Variants in ZC3H3 observed in about 807,000 individuals in gnomAD.
The protein encoded by ZC3H3 is zinc finger CCCH domain-containing protein 3.
ZC3H3 carries 36 observed loss-of-function variants against 77.3 expected under a neutral mutation model. The observed-to-expected ratio is 0.47, with a 90% CI of 0.36 to 0.61. The LOEUF is 0.61. ZC3H3 is among the 20% of genes least tolerant of loss of function. The pLI, the probability that ZC3H3 is intolerant of heterozygous loss-of-function variation, is 0.00. For missense variants in ZC3H3, 1,331 were observed against 1,312.2 expected, an observed-to-expected ratio of 1.01 and a Z score of -0.22; for synonymous variants, 626 against 555.2, an observed-to-expected ratio of 1.13 and a Z score of -1.79.
At chr8:143,480,680 G>C (rs1381672037) in intron 4 of ZC3H3, among the ~76,000 whole-genome samples, 1 of 152,216 alleles carries the variant, frequency 6.6e-6, no homozygotes, top group Non-Finnish European at 1.5e-5. Flanking sequence ...CGGCTCCTCG[G>C]GTGAGTCCAG....
intron 9 of ZC3H3, among the ~76,000 whole-genome samples, chr8:143,451,701 T>C (rs575741126): frequency 3.3e-5 from 5 of 151,150 alleles, no homozygotes; most frequent in Non-Finnish European, 7.4e-5. Flanking sequence ...GGAGAATTGC[T>C]TGAACCCAGG....
chr8:143,483,921 T>C (rs1238487948), intron 4 of ZC3H3, among the ~76,000 whole-genome samples: 1 of 152,188 alleles, frequency 6.6e-6, no homozygotes, highest in Non-Finnish European at 1.5e-5. Context: ...CCACAGCATC[T>C]ACCTCCCAGT....
intron 9 of ZC3H3, among the ~76,000 whole-genome samples, chr8:143,455,237 C>T (rs898927537): frequency 2.0e-5 from 3 of 152,114 alleles, no homozygotes; most frequent in Non-Finnish European, 4.4e-5. Flanking sequence ...TCACTTGAAC[C>T]CAGGAGATGG....
In ZC3H3 at chr8:143,441,203, C is replaced by G. The variant is rs1370736343; in HGVS notation, c.2308-83G>C. On this transcript the variant is annotated intron_variant, in intron 9 of 11. Coordinates refer to ENST00000262577, the MANE Select transcript of ZC3H3 (RefSeq NM_015117.3). The stretch of plus-strand genomic sequence containing the variant: ...GGAAGGCAAGGAGAGCCAGGCCAGG[C>G]CCCCCGAGTACCCACGGGGCCCCAT... The G allele has an allele frequency of 6.8e-6, 9 of 1,320,504 alleles. No homozygotes were observed. In the African/African-American group the frequency reaches 1.1e-4, roughly 16 times the overall value. 81.8% of individuals were successfully genotyped at this position (1,320,504 alleles called of 1,614,324 possible).
rs940100019 is a variant in ZC3H3 at position 143,462,945 on chromosome 8, C to A, written c.2307+2772G>T. ...CAGGGCGCCCTGCAGGAGCAGCTGT[C>A]CCACCTAGAGCCACCAGGAGCAGCG... On this transcript the variant is annotated intron_variant, in intron 9 of 11. Coordinates refer to ENST00000262577, the MANE Select transcript of ZC3H3 (RefSeq NM_015117.3). This position sits in a 1 kb window ranked among gnomAD's most constrained non-coding sequence, Gnocchi z 4.7. Among the ~76,000 whole-genome samples, 2 of 151,914 alleles carry A rather than the reference C, an allele frequency of 1.3e-5. No individual in the cohort carries two copies. The highest frequency in any genetic ancestry group is 4.8e-5 in the African/African-American group (2 of 41,350).
chr8:143,474,606 C>A (rs973799458), intron 5 of ZC3H3, among the ~76,000 whole-genome samples: 2 of 152,222 alleles, frequency 1.3e-5, no homozygotes, highest in Non-Finnish European at 2.9e-5. Flanking sequence ...CAGACCCTGC[C>A]GTCGGAGTCT....
intron 3 of ZC3H3, among the ~76,000 whole-genome samples, chr8:143,519,726 T>G (rs7842979): frequency 0.72 from 110,114 of 152,142 alleles, 39,987 homozygotes; most frequent in South Asian, 0.8. Flanking sequence ...AGGCCCCACG[T>G]TCAGGCCACC....
At chr8:143,477,114 G>A (rs568348010) in intron 4 of ZC3H3, among the ~76,000 whole-genome samples, 3 of 152,304 alleles carry the variant, frequency 2.0e-5, no homozygotes, top group African/African-American at 7.2e-5. Context: ...CAACCCCTCC[G>A]GGCCTTGGTC....
At chr8:143,492,711 C>T (rs1192352945) in intron 4 of ZC3H3, among the ~76,000 whole-genome samples, 7 of 150,792 alleles carry the variant, frequency 4.6e-5, no homozygotes, top group Non-Finnish European at 7.4e-5. Flanking sequence ...CTCAGGGTCC[C>T]GTGTCCTGGC....
chr8:143,538,062 C>A lies in ZC3H3; in HGVS notation c.1305G>T (p.Pro435=). 1 of 1,612,598 alleles carries A rather than the reference C, an allele frequency of 6.2e-7. No homozygotes were observed. Among genetic ancestry groups the A allele is most frequent in the Non-Finnish European group, 8.5e-7 (1 of 1,179,822 alleles). The stretch of plus-strand genomic sequence containing the variant: ...GGCTCTTCACTTTGTAAGCCGAGAG[C>A]GGGGTCTCCCCAGAGAGGGGCTTCA... ...SGLKPLSGET[P]LSAYKVKSRT... Residue 435 remains proline, a synonymous_variant, in exon 2 of 12, where the codon CCG becomes CCT. Transcript: ENST00000262577.
chr8:143,519,042 A>G (rs1254428632), intron 3 of ZC3H3, among the ~76,000 whole-genome samples: 1 of 152,212 alleles, frequency 6.6e-6, no homozygotes, highest in Non-Finnish European at 1.5e-5. Flanking sequence ...GAGGGACCCT[A>G]TGGGGGCTAA....
Position 143,440,216 on chromosome 8 carries a change from TGAGGA to T in ZC3H3, c.2635_2639del (p.Ser879IlefsTer51), listed in dbSNP as rs1563829853. The T allele has an allele frequency of 1.1e-5, 17 of 1,565,608 alleles. No individual in the cohort carries two copies. The highest frequency in any genetic ancestry group is 3.6e-4 in the Middle Eastern group (2 of 5,560). On this transcript the variant is annotated frameshift_variant, in exon 11 of 12. Coordinates refer to ENST00000262577, the MANE Select transcript of ZC3H3 (RefSeq NM_015117.3). LOFTEE classifies it high-confidence loss of function. ...CGTGGTCCAAGGAAGCGGGAGGGGA[TGAGGA>T]GGAGGAGGAGGAGGAGGAAGCCTTC...
Position 143,462,722 on chromosome 8 carries a change from C to G in ZC3H3, c.2307+2995G>C, listed in dbSNP as rs958513049. On this transcript the variant is annotated intron_variant, in intron 9 of 11. Transcript: ENST00000262577. The surrounding 1 kb of genome is among the most constrained non-coding windows in gnomAD (Gnocchi z 4.7). The stretch of plus-strand genomic sequence containing the variant: ...GCAGCGCGGAGGCTCACGGAGCAGG[C>G]ACTGCAGATGCAGGAGGGCCAAGGT... Among the ~76,000 whole-genome samples, 2 of 152,210 alleles carry G rather than the reference C, an allele frequency of 1.3e-5. No individual in the cohort carries two copies. Among genetic ancestry groups the G allele is most frequent in the Non-Finnish European group, 1.5e-5 (1 of 68,020 alleles).
At chr8:143,477,379 C>G (rs1426196760) in intron 4 of ZC3H3, among the ~76,000 whole-genome samples, 1 of 152,194 alleles carries the variant, frequency 6.6e-6, no homozygotes, top group African/African-American at 2.4e-5. Context: ...CCCACCTATC[C>G]TGTCTGCGCC....
chr8:143,508,700 G>C (rs949313176), intron 3 of ZC3H3, among the ~76,000 whole-genome samples: 1 of 152,076 alleles, frequency 6.6e-6, no homozygotes, highest in Non-Finnish European at 1.5e-5. Flanking sequence ...CCAAGGCTCA[G>C]GGGCTGCTGC....
chr8:143,474,992 G>A (rs191939582), intron 5 of ZC3H3, among the ~76,000 whole-genome samples: 98 of 152,316 alleles, frequency 6.4e-4, no homozygotes, highest in African/African-American at 2.3e-3. Context: ...GCGAAACATG[G>A]TGCTTGTGAG....
At chr8:143,477,806 G>C (rs1007003078) in intron 4 of ZC3H3, among the ~76,000 whole-genome samples, 1 of 152,166 alleles carries the variant, frequency 6.6e-6, no homozygotes, top group African/African-American at 2.4e-5. Flanking sequence ...ACCATTGGGA[G>C]GGTGAGGGGG....
At position 143,538,799 on chromosome 8, in the gene ZC3H3, G is replaced by A. The variant is rs564831818; in HGVS notation, c.568C>T (p.Leu190=). 7.1e-5 allele frequency: 115 copies of A among 1,612,444 alleles called. No individual in the cohort carries two copies. In the South Asian group the frequency reaches 1.2e-3, roughly 16 times the overall value. The change falls in exon 2 of 12, where the codon CTG becomes TTG. Residue 190 remains leucine (L), a synonymous_variant. Coordinates refer to ENST00000262577, the MANE Select transcript of ZC3H3 (RefSeq NM_015117.3). ...RGTCSVEDPL[L]VCQKEPGKPR... is the part of the protein sequence containing the mutation. Reference sequence around the variant, plus strand: ...TTACCAGGCTCCTTCTGGCAGACCAGAAGAGGATCTTCCACACTGCAGGTC... The same window carrying A: ...TTACCAGGCTCCTTCTGGCAGACCAAAAGAGGATCTTCCACACTGCAGGTC...
chr8:143,472,831 C>A (rs1026222768), intron 5 of ZC3H3, among the ~76,000 whole-genome samples: 6 of 152,190 alleles, frequency 3.9e-5, no homozygotes, highest in African/African-American at 1.4e-4. Flanking sequence ...CGCACCGCGA[C>A]CTGGGTGAAC....
Sources: gnomAD v4.1 joint callset for allele counts (sites outside exome capture counted in the v4.1 genomes callset) on GRCh38, gnomAD v4.1.1 for gene constraint, Gnocchi (gnomAD v3.1) non-coding constraint, MANE v1.5 for transcripts, NCBI Gene and HGNC (gene_info 2026-07-23, HGNC 2026-07-21) for gene names.